PPARGC1A: variants seen among roughly 807,000 people sequenced by gnomAD.
PPARGC1A encodes the protein PPARG coactivator 1 alpha, also known as peroxisome proliferator-activated receptor gamma coactivator 1-alpha.
In PPARGC1A, 25 loss-of-function variants were observed where a neutral mutation model predicts 88.7. The ratio of observed to expected loss-of-function variants is 0.28; its 90% confidence interval spans 0.21 to 0.39. The LOEUF (loss-of-function observed/expected upper bound fraction) is 0.39. PPARGC1A is among the 10% of genes least tolerant of loss of function. PPARGC1A has a pLI of 1.00. For missense variants in PPARGC1A, 880 were observed against 968.7 expected, an observed-to-expected ratio of 0.91 and a Z score of 1.22; for synonymous variants, 363 against 355.6, an observed-to-expected ratio of 1.02 and a Z score of -0.24.
chr4:24,068,049 CAGAT>C, the PPARGC1A span, among the ~76,000 whole-genome samples: 1 of 152,096 alleles, frequency 6.6e-6, no homozygotes, highest in African/African-American at 2.4e-5. Context: ...TCACTTGTCA[CAGAT>C]AGGTCCTCGG....
chr4:24,226,527 C>A, the PPARGC1A span, among the ~76,000 whole-genome samples: 27 of 152,318 alleles, frequency 1.8e-4, 1 homozygote, highest in Admixed American at 1.5e-3. Flanking sequence ...GGTACCAAGG[C>A]TGATTTAAAG....
chr4:24,294,004 G>GA, the PPARGC1A span, among the ~76,000 whole-genome samples: 1 of 152,146 alleles, frequency 6.6e-6, no homozygotes, highest in East Asian at 1.9e-4. Context: ...AAGTTTGGCA[G>GA]AAAATCTATA....
At chr4:24,072,241 T>G in the PPARGC1A span, among the ~76,000 whole-genome samples, 1 of 150,710 alleles carries the variant, frequency 6.6e-6, no homozygotes, top group South Asian at 2.1e-4. Flanking sequence ...TATACATATA[T>G]AAGCACACAT....
At chr4:24,387,834 G>A in the PPARGC1A span, among the ~76,000 whole-genome samples, 1,763 of 87,458 alleles carry the variant, frequency 0.02, 72 homozygotes, top group East Asian at 0.054. Context: ...GAGAGAAAGA[G>A]AGAAAGAGAG....
chr4:24,393,940 A>T, the PPARGC1A span, among the ~76,000 whole-genome samples: 1 of 152,212 alleles, frequency 6.6e-6, no homozygotes, highest in African/African-American at 2.4e-5. Context: ...GCAACATAGC[A>T]AGACCCTGTT....
the PPARGC1A span, among the ~76,000 whole-genome samples, chr4:24,284,504 C>T: frequency 2.0e-5 from 3 of 152,108 alleles, no homozygotes; most frequent in African/African-American, 4.8e-5. Context: ...TTAAAATGGA[C>T]ATTTTGAAGG....
the PPARGC1A span, among the ~76,000 whole-genome samples, chr4:24,034,262 A>C: frequency 6.6e-6 from 1 of 152,174 alleles, no homozygotes. Context: ...TTGGCCTTCA[A>C]TAAATGAATC....
the PPARGC1A span, among the ~76,000 whole-genome samples, chr4:24,180,375 C>G: frequency 6.6e-6 from 1 of 152,184 alleles, no homozygotes; most frequent in Non-Finnish European, 1.5e-5. Flanking sequence ...AAACTGGTTA[C>G]ATTTTTTCTA....
At chr4:24,090,833 G>A in the PPARGC1A span, among the ~76,000 whole-genome samples, 5 of 152,168 alleles carry the variant, frequency 3.3e-5, no homozygotes, top group Non-Finnish European at 7.4e-5. Flanking sequence ...GGCAGCTTAC[G>A]AGACAGGAGC....
the PPARGC1A span, among the ~76,000 whole-genome samples, chr4:24,368,839 G>A: frequency 3.3e-5 from 5 of 152,276 alleles, no homozygotes; most frequent in African/African-American, 9.6e-5. Flanking sequence ...CGGAAGAAAC[G>A]GAGAGTGAAC....
chr4:23,836,874 C>T (rs1726114586), intron 2 of PPARGC1A, among the ~76,000 whole-genome samples: 1 of 152,164 alleles, frequency 6.6e-6, no homozygotes, highest in Non-Finnish European at 1.5e-5. Flanking sequence ...AATAAATCCA[C>T]TAAATTAAGG....
chr4:23,802,230 TC>T lies in PPARGC1A; in HGVS notation c.2134del (p.Asp712MetfsTer53). The stretch of plus-strand genomic sequence containing the variant: ...TAATCTTGAAGATTCTCACCCATCA[TC>T]CCGCAGATTTACTGTGCACTCCTCA... ...EIEECTVNLRDDGDSYGFITY... is the reference protein window; with the variant it reads ...EIEECTVNLRXDGDSYGFITY... On this transcript the variant is annotated frameshift_variant, in exon 11 of 13. Coordinates refer to ENST00000264867, the MANE Select transcript of PPARGC1A (RefSeq NM_013261.5). LOFTEE classifies it high-confidence loss of function. The T allele has an allele frequency of 6.2e-7, 1 of 1,614,020 alleles. No individual in the cohort carries two copies. The highest frequency in any genetic ancestry group is 8.5e-7 in the Non-Finnish European group (1 of 1,179,972).
At position 23,804,181 on chromosome 4, in the gene PPARGC1A, C is replaced by T. The variant is rs374506545; in HGVS notation, c.2020-1836G>A. On this transcript the variant is annotated intron_variant, in intron 10 of 12. Transcript: ENST00000264867. ...GAACCTCACACTACACCAACATTAC[C>T]GAAGCCCGACCCTCCAGCCTTGCCC... 5.3e-5 allele frequency among the ~76,000 whole-genome samples: 8 copies of T among 152,212 alleles called. No homozygotes were observed. The South Asian group carries it at 1.2e-3, about 24-fold the overall frequency.
At chr4:24,387,934 GAGAA>G in the PPARGC1A span, among the ~76,000 whole-genome samples, 1,218 of 71,344 alleles carry the variant, frequency 0.017, 56 homozygotes, top group South Asian at 0.038. Context: ...AAGAAAGAAA[GAGAA>G]AGAAAGAAAG....
the PPARGC1A span, among the ~76,000 whole-genome samples, chr4:24,097,012 T>G: frequency 4.6e-5 from 7 of 152,272 alleles, no homozygotes; most frequent in Admixed American, 3.9e-4. Flanking sequence ...GAGGATTGCT[T>G]GAGCCTAAGA....
the PPARGC1A span, among the ~76,000 whole-genome samples, chr4:24,174,163 G>A: frequency 2.0e-5 from 3 of 152,138 alleles, no homozygotes; most frequent in Non-Finnish European, 4.4e-5. Context: ...ATTGCTAATT[G>A]CAGAAATCAA....
At chr4:24,012,422 A>G in the PPARGC1A span, among the ~76,000 whole-genome samples, 2 of 152,044 alleles carry the variant, frequency 1.3e-5, no homozygotes, top group African/African-American at 4.8e-5. Flanking sequence ...CCTCCCCTCC[A>G]CAGACAGCAT....
the PPARGC1A span, among the ~76,000 whole-genome samples, chr4:24,428,638 C>T: frequency 6.6e-6 from 1 of 152,202 alleles, no homozygotes; most frequent in Admixed American, 6.5e-5. Flanking sequence ...AAGTAAAGGA[C>T]ACCCTTTGAC....
chr4:24,002,353 C>T, the PPARGC1A span, among the ~76,000 whole-genome samples: 1 of 152,078 alleles, frequency 6.6e-6, no homozygotes, highest in African/African-American at 2.4e-5. Flanking sequence ...GTCTCGATCT[C>T]CTGACCTCGA....
Sources: gnomAD v4.1 joint callset for allele counts (sites outside exome capture counted in the v4.1 genomes callset) on GRCh38, gnomAD v4.1.1 for gene constraint, MANE v1.5 for transcripts, NCBI Gene and HGNC (gene_info 2026-07-23, HGNC 2026-07-21) for gene names.